MECOM: variants seen among roughly 807,000 people sequenced by gnomAD.
MECOM encodes histone-lysine N-methyltransferase MECOM.
In MECOM, 13 loss-of-function variants were observed where a neutral mutation model predicts 116.3. The observed-to-expected ratio is 0.11, with a 90% CI of 0.07 to 0.18. The LOEUF is 0.18. Among genes scored for constraint, MECOM ranks in the 10% least tolerant of loss-of-function variants. MECOM has a pLI of 1.00. For synonymous variants in MECOM, 528 were observed against 535.2 expected (o/e 0.99, Z 0.19); for missense variants, 1,299 against 1,509.0 (o/e 0.86, Z 2.31).
At chr3:169,090,346 A>G (rs546372098) in intron 14 of MECOM, 110 bp from the exon 15 acceptor site, 3 of 937,872 alleles carry the variant, frequency 3.2e-6, no homozygotes, top group African/African-American at 1.7e-5. Context: ...AACACTTAAC[A>G]TCGGAAATGT....
At chr3:169,623,832 G>A (rs1005448250) in intron 1 of MECOM, 1 of 149,648 alleles carries the variant, frequency 6.7e-6, no homozygotes, top group Admixed American at 6.6e-5. Flanking sequence ...CACACACACA[G>A]AGACACACTG....
chr3:169,562,139 C>CAAAAAAAAAAAAAAAAAAAAAAAAAAA (rs10714325), intron 1 of MECOM, among the ~76,000 whole-genome samples: 2 of 25,282 alleles, frequency 7.9e-5, no homozygotes, highest in African/African-American at 1.4e-4. Context: ...GAGCAATACT[C>CAAAAAAAAAAAAAAAAAAAAAAAAAAA]AAAAAAAAAA....
chr3:169,381,228 C>G lies in MECOM; in HGVS notation c.334G>C (p.Glu112Gln), dbSNP rs1484156080. 1 of 1,612,978 alleles carries G rather than the reference C, an allele frequency of 6.2e-7. No homozygotes were observed. The highest frequency in any genetic ancestry group is 8.5e-7 in the Non-Finnish European group (1 of 1,179,076). The change falls in exon 2 of 17, where the codon GAG becomes CAG. Residue 112 changes from glutamate (E) to glutamine (Q), a missense_variant. Transcript: ENST00000651503. ...VGEKFGPYVG[E>Q]QRSNLKDPSY... ...GGGTCTTTCAGGTTTGACCTCTGCT[C>G]TCCCACATAAGGCCCAAACTTTTCA... is the stretch of plus-strand genomic sequence containing the variant.
chr3:169,627,117 A>G (rs1577173796), intron 1 of MECOM, among the ~76,000 whole-genome samples: 1 of 152,246 alleles, frequency 6.6e-6, no homozygotes, highest in East Asian at 1.9e-4. Context: ...AGTGATGCAC[A>G]ACCCCTTAAA....
At chr3:169,139,397 G>GTATGAATTAAAT (rs68193312) in intron 3 of MECOM, among the ~76,000 whole-genome samples, 2 of 151,724 alleles carry the variant, frequency 1.3e-5, no homozygotes, top group Non-Finnish European at 2.9e-5. Flanking sequence ...CAGGCCAGGA[G>GTATGAATTAAAT]TGTGTTCCTT....
chr3:169,435,799 A>G (rs1189636349), intron 1 of MECOM, among the ~76,000 whole-genome samples: 2 of 152,238 alleles, frequency 1.3e-5, no homozygotes, highest in Non-Finnish European at 2.9e-5. Flanking sequence ...AATTGCATTC[A>G]GTCTAATAAC....
Position 169,425,728 on chromosome 3 carries a change from A to G in MECOM, c.38-44204T>C, listed in dbSNP as rs529832538. 2.0e-5 allele frequency among the ~76,000 whole-genome samples: 3 copies of G among 152,286 alleles called. No individual in the cohort carries two copies. In the South Asian group the frequency reaches 6.2e-4, roughly 32 times the overall value. On this transcript the variant is annotated intron_variant, in intron 1 of 16. Coordinates refer to ENST00000651503, the MANE Select transcript of MECOM (RefSeq NM_004991.4). ...TTATTTTGCTGTGTCTGAGTGTTAG[A>G]GCATTATTTATAATAATGAAAAATC... is the stretch of plus-strand genomic sequence containing the variant.
intron 1 of MECOM, among the ~76,000 whole-genome samples, chr3:169,606,340 G>A (rs1364670455): frequency 6.6e-6 from 1 of 151,292 alleles, no homozygotes; most frequent in Non-Finnish European, 1.5e-5. Context: ...TTGAACTCAG[G>A]AGGCGGAGTT....
intron 2 of MECOM, among the ~76,000 whole-genome samples, chr3:169,263,623 A>G (rs1167059657): frequency 2.0e-5 from 3 of 152,140 alleles, no homozygotes; most frequent in African/African-American, 4.8e-5. Flanking sequence ...CTAGGCCTCA[A>G]TTAATTTCAT....
At chr3:169,396,003 T>A (rs576152470) in intron 1 of MECOM, among the ~76,000 whole-genome samples, 4 of 152,188 alleles carry the variant, frequency 2.6e-5, no homozygotes, top group Admixed American at 2.6e-4. Flanking sequence ...CCAGAAACTA[T>A]AGAAGCTATC....
intron 1 of MECOM, among the ~76,000 whole-genome samples, chr3:169,655,172 C>T (rs1023047730): frequency 2.6e-5 from 4 of 152,130 alleles, no homozygotes; most frequent in South Asian, 2.1e-4. Flanking sequence ...GAAGAAGCTG[C>T]CACCTTTAGA....
intron 1 of MECOM, among the ~76,000 whole-genome samples, chr3:169,588,585 T>C (rs968725659): frequency 1.3e-5 from 2 of 152,194 alleles, no homozygotes; most frequent in African/African-American, 4.8e-5. Flanking sequence ...CTGTGTATAA[T>C]AGGTTGTTTC....
chr3:169,284,465 C>T (rs1379963471), intron 2 of MECOM, among the ~76,000 whole-genome samples: 1 of 152,020 alleles, frequency 6.6e-6, no homozygotes, highest in Non-Finnish European at 1.5e-5. Flanking sequence ...TTCCCAGGAA[C>T]ATTCTCCCCT....
intron 2 of MECOM, among the ~76,000 whole-genome samples, chr3:169,196,518 C>G (rs1160910851): frequency 6.6e-6 from 1 of 152,020 alleles, no homozygotes; most frequent in Non-Finnish European, 1.5e-5. Context: ...AACTACTTGT[C>G]TCACTTTGAA....
chr3:169,084,308 C>A lies in MECOM; in HGVS notation c.*601G>T, dbSNP rs917261420. The A allele has an allele frequency of 2.2e-5, 5 of 231,124 alleles. No individual in the cohort carries two copies. Among genetic ancestry groups the A allele is most frequent in the Non-Finnish European group, 4.3e-5 (5 of 116,904 alleles). 14.3% of individuals were successfully genotyped at this position (231,124 alleles called of 1,614,324 possible). A position where few individuals can be genotyped will look rare whatever the true frequency, so the allele number is the denominator to read the frequency against. On this transcript the variant is annotated 3_prime_UTR_variant, in exon 17 of 17. Coordinates refer to ENST00000651503, the MANE Select transcript of MECOM (RefSeq NM_004991.4). ...ATCCATAGTTTACAATATACACATA[C>A]CCTTTTTCCCTAGTTTTAAACAATG...
intron 1 of MECOM, among the ~76,000 whole-genome samples, chr3:169,422,765 A>G (rs1739979401): frequency 6.6e-6 from 1 of 152,112 alleles, no homozygotes; most frequent in Non-Finnish European, 1.5e-5. Flanking sequence ...TGGACTTCAT[A>G]GTCAAAAAAT....
intron 2 of MECOM, among the ~76,000 whole-genome samples, chr3:169,148,777 T>C (rs1403708260): frequency 2.0e-5 from 3 of 152,062 alleles, no homozygotes; most frequent in Non-Finnish European, 4.4e-5. Context: ...AAAATATTGA[T>C]TTAAAAACAA....
At chr3:169,146,432 A>C in intron 2 of MECOM, 1 of 1,391,160 alleles carries the variant, frequency 7.2e-7, no homozygotes, top group Non-Finnish European at 9.6e-7. Context: ...GAAGGAGGAG[A>C]AGAGCGCAAG....
At chr3:169,183,538 A>C (rs947840669) in intron 2 of MECOM, among the ~76,000 whole-genome samples, 7 of 152,140 alleles carry the variant, frequency 4.6e-5, no homozygotes, top group Non-Finnish European at 8.8e-5. Flanking sequence ...CCTTTTGCTG[A>C]AAAATGTTCT....
Sources: gnomAD v4.1 joint callset for allele counts (sites outside exome capture counted in the v4.1 genomes callset) on GRCh38, gnomAD v4.1.1 for gene constraint, MANE v1.5 for transcripts, NCBI Gene and HGNC (gene_info 2026-07-23, HGNC 2026-07-21) for gene names.